Variants in GPR34 observed in about 807,000 individuals in gnomAD.
GPR34 encodes the protein probable G protein-coupled receptor 34.
Under a neutral mutation model 14.1 loss-of-function variants are expected in GPR34, and 3 were observed. The ratio of observed to expected loss-of-function variants is 0.21; its 90% CI spans 0.10 to 0.55. The LOEUF (loss-of-function observed/expected upper bound fraction) is 0.55, where lower values mean the gene tolerates loss of function less well. Among genes scored for constraint, GPR34 ranks in the 20% least tolerant of loss-of-function variants. The probability of loss-of-function intolerance (pLI) is 0.94; values close to 1 mark genes in which losing one functional copy is unlikely to be tolerated. For missense variants in GPR34, 213 were observed against 292.8 expected (o/e 0.73, Z 1.99); for synonymous variants, 99 against 99.9 (o/e 0.99, Z 0.05).
At position 41,688,983 on chromosome X, in the gene GPR34, A is replaced by C. The variant is rs2067493611; in HGVS notation, c.-274A>C. On this transcript the variant is annotated 5_prime_UTR_variant, in exon 1 of 3. Transcript: ENST00000378142. ...AAAGAAGAGAACCCCAACCAATTGCACCACGACCGGATGGAAGAGCCCAGC... is the reference window on the plus strand; with the variant it reads ...AAAGAAGAGAACCCCAACCAATTGCCCCACGACCGGATGGAAGAGCCCAGC... The C allele has an allele frequency of 9.0e-6, 1 of 110,735 alleles. No homozygotes were observed. The highest frequency in any genetic ancestry group is 1.9e-5 in the Non-Finnish European group (1 of 52,831). The allele number at this position is 110,735 out of a possible 1,213,427, so 9.1% of individuals were successfully genotyped here. A position where few individuals can be genotyped will look rare whatever the true frequency, so the allele number is the denominator to read the frequency against.
intron 2 of GPR34, among the ~76,000 whole-genome samples, chrX:41,693,182 A>G (rs2067608534): frequency 9.0e-6 from 1 of 111,516 alleles, no homozygotes; most frequent in Non-Finnish European, 1.9e-5. Context: ...TGAACCTATG[A>G]GAGCTCCCTA....
At chrX:41,691,840 C>CAAAAAA (rs397895684) in intron 2 of GPR34, among the ~76,000 whole-genome samples, 1 of 28,484 alleles carries the variant, frequency 3.5e-5, no homozygotes, top group Non-Finnish European at 5.6e-5. Flanking sequence ...GACTCTGTCT[C>CAAAAAA]AAAAAAAAAA....
rs777966583 is a variant in GPR34 at position 41,695,235 on chromosome X, T to C, written c.-79-320T>C. On this transcript the variant is annotated intron_variant, in intron 2 of 2. Transcript: ENST00000378142. ...TGCTGCTTGTTTAATGATACAATAA[T>C]GTTACTACATACAGTAGGATAAAAG... 1.8e-5 allele frequency among the ~76,000 whole-genome samples: 2 copies of C among 111,454 alleles called. 1 individual carries two copies. Among genetic ancestry groups the C allele is most frequent in the South Asian group, 7.7e-4 (2 of 2,587 alleles).
intron 2 of GPR34, among the ~76,000 whole-genome samples, chrX:41,695,158 C>A (rs2067657142): frequency 9.0e-6 from 1 of 111,398 alleles, no homozygotes; most frequent in African/African-American, 3.3e-5. Context: ...CAATGTAGGC[C>A]ATGGCCACAG....
At position 41,696,730 on chromosome X, in the gene GPR34, A is replaced by G. The variant is rs2067696504; in HGVS notation, c.1097A>G (p.His366Arg). 1.7e-6 allele frequency: 2 copies of G among 1,203,964 alleles called. No individual in the cohort carries two copies. The highest frequency in any genetic ancestry group is 3.0e-5 in the East Asian group (1 of 33,696). The change falls in exon 3 of 3, where the codon CAT becomes CGT. Residue 366 changes from histidine to arginine, a missense_variant. By Grantham distance (29) the His-to-Arg change is conservative. Transcript: ENST00000378142. ...TSEFKPGYSL[H>R]DTSVAVKIQS... ...GAATTTAAACCAGGATACTCCCTGCATGATACATCTGTGGCAGTGAAAATA... is the reference window on the plus strand; with the variant it reads ...GAATTTAAACCAGGATACTCCCTGCGTGATACATCTGTGGCAGTGAAAATA...
At chrX:41,690,934 A>G (rs779147051) in intron 2 of GPR34, among the ~76,000 whole-genome samples, 4 of 111,169 alleles carry the variant, frequency 3.6e-5, no homozygotes, top group Non-Finnish European at 7.5e-5. Flanking sequence ...CAGCCTCCCA[A>G]AGTGCTGGGA....
chrX:41,696,088 G>A lies in GPR34; in HGVS notation c.455G>A (p.Arg152His). ...IILLGFISLD[R>H]YIKINRSIQQ... ...TTGCTTGGATTCATCAGTTTGGATC[G>A]CTATATAAAAATTAATCGGTCTATA... is the stretch of plus-strand genomic sequence containing the variant. The change falls in exon 3 of 3, where the codon CGC becomes CAC. Residue 152 changes from arginine (R) to histidine (H), a missense_variant. Arg to His is a conservative substitution (Grantham distance 29). Transcript: ENST00000378142. 8.3e-7 allele frequency: 1 copy of A among 1,202,404 alleles called. No individual in the cohort carries two copies. The highest frequency in any genetic ancestry group is 1.1e-6 in the Non-Finnish European group (1 of 888,527).
At chrX:41,691,961 G>T (rs1294415750) in intron 2 of GPR34, among the ~76,000 whole-genome samples, 1 of 106,918 alleles carries the variant, frequency 9.4e-6, no homozygotes, top group African/African-American at 3.4e-5. Flanking sequence ...ATGTTGCCTT[G>T]GCTGGCAGGC....
At chrX:41,694,173 A>G (rs1422112513) in intron 2 of GPR34, among the ~76,000 whole-genome samples, 4 of 112,666 alleles carry the variant, frequency 3.6e-5, no homozygotes, top group African/African-American at 1.3e-4. Context: ...GCTAACTTTT[A>G]TTAAGCAGTC....
At chrX:41,693,411 C>T (rs1001195484) in intron 2 of GPR34, among the ~76,000 whole-genome samples, 6 of 110,865 alleles carry the variant, frequency 5.4e-5, no homozygotes, top group Non-Finnish European at 9.4e-5. Context: ...GTCAGGAGTT[C>T]GAGACCAGCC....
At chrX:41,694,327 T>A (rs1029584068) in intron 2 of GPR34, among the ~76,000 whole-genome samples, 1 of 112,060 alleles carries the variant, frequency 8.9e-6, no homozygotes, top group Non-Finnish European at 1.9e-5. Context: ...GGCATCTTTA[T>A]GTTAACCCTG....
chrX:41,695,510 G>A lies in GPR34; in HGVS notation c.-79-45G>A, dbSNP rs776099373. ...ATTTACACTTTTAGTTAAAGTAACT[G>A]TTATTAAAATAGCAAATGACTCAAT... is the stretch of plus-strand genomic sequence containing the variant. On this transcript the variant is annotated intron_variant, in intron 2 of 2. Transcript: ENST00000378142. The A allele has an allele frequency of 4.5e-5, 22 of 489,505 alleles. No homozygotes were observed. In the South Asian group the frequency reaches 6.2e-4, roughly 14 times the overall value. 40.3% of individuals were successfully genotyped at this position (489,505 alleles called of 1,213,427 possible).
At position 41,689,025 on chromosome X, in the gene GPR34, A is replaced by T. The variant is rs1324825512; in HGVS notation, c.-232A>T. ...GAGCCCAGCTGACACAACCAAGACGAGTCTCAGTGTCTAGGGAAGCTTGGG... is the reference window on the plus strand; with the variant it reads ...GAGCCCAGCTGACACAACCAAGACGTGTCTCAGTGTCTAGGGAAGCTTGGG... On this transcript the variant is annotated 5_prime_UTR_variant, in exon 1 of 3. Coordinates refer to ENST00000378142, the MANE Select transcript of GPR34 (RefSeq NM_001097579.2). 1 of 111,520 alleles carries T rather than the reference A, an allele frequency of 9.0e-6. No individual in the cohort carries two copies. The highest frequency in any genetic ancestry group is 3.3e-5 in the African/African-American group (1 of 30,573). 9.2% of individuals were successfully genotyped at this position (111,520 alleles called of 1,213,427 possible).
intron 2 of GPR34, among the ~76,000 whole-genome samples, chrX:41,690,631 G>C (rs1455658340): frequency 9.3e-6 from 1 of 107,998 alleles, no homozygotes; most frequent in Non-Finnish European, 1.9e-5. Context: ...AAAGTGCTGG[G>C]ATTACAGGCA....
At chrX:41,692,589 T>G (rs1293829646) in intron 2 of GPR34, among the ~76,000 whole-genome samples, 1 of 112,794 alleles carries the variant, frequency 8.9e-6, no homozygotes, top group East Asian at 2.8e-4. Context: ...GAAACCCTTT[T>G]CTCTATGGCT....
intron 2 of GPR34, among the ~76,000 whole-genome samples, chrX:41,691,840 CAAAAAAA>C (rs397895684): frequency 3.2e-4 from 9 of 28,484 alleles, no homozygotes; most frequent in Admixed American, 6.4e-4. Context: ...GACTCTGTCT[CAAAAAAA>C]AAAAAAAAAA....
Position 41,695,842 on chromosome X carries a change from T to G in GPR34, c.209T>G (p.Val70Gly). ...SYSVIFIVGL[V>G]GNIIALYVFL... ...TCTGTTATTTTCATCGTGGGACTGG[T>G]TGGGAACATAATCGCCCTCTATGTA... The change falls in exon 3 of 3, where the codon GTT (valine) becomes GGT (glycine). Residue 70 changes from valine to glycine, a missense_variant. Coordinates refer to ENST00000378142, the MANE Select transcript of GPR34 (RefSeq NM_001097579.2). 8.3e-7 allele frequency: 1 copy of G among 1,203,695 alleles called. No individual in the cohort carries two copies. Among genetic ancestry groups the G allele is most frequent in the Non-Finnish European group, 1.1e-6 (1 of 887,910 alleles).
Position 41,696,808 on chromosome X carries a change from T to C in GPR34, c.*29T>C. The C allele has an allele frequency of 1.8e-5, 17 of 948,842 alleles. No homozygotes were observed. The highest frequency in any genetic ancestry group is 2.1e-5 in the Non-Finnish European group (15 of 704,694). The allele number at this position is 948,842 out of a possible 1,213,427, so 78.2% of individuals were successfully genotyped here. A position where few individuals can be genotyped will look rare whatever the true frequency, so the allele number is the denominator to read the frequency against. ...AAACATACTAAAATGAATTATATAA[T>C]GCAGCCTCTTAATTCTTTGAAGAAC... On this transcript the variant is annotated 3_prime_UTR_variant, in exon 3 of 3. Transcript: ENST00000378142.
intron 2 of GPR34, among the ~76,000 whole-genome samples, chrX:41,694,109 A>G (rs1382410882): frequency 8.9e-6 from 1 of 112,202 alleles, no homozygotes; most frequent in Non-Finnish European, 1.9e-5. Flanking sequence ...CACAGTACTT[A>G]GCCAAGTGTG....
Sources: gnomAD v4.1 joint callset for allele counts (sites outside exome capture counted in the v4.1 genomes callset) on GRCh38, gnomAD v4.1.1 for gene constraint, MANE v1.5 for transcripts, NCBI Gene and HGNC (gene_info 2026-07-23, HGNC 2026-07-21) for gene names.